SLC25A48: variants seen among roughly 807,000 people sequenced by gnomAD.
SLC25A48 encodes CTC-321K16.1.
A neutral mutation model predicts 32.2 loss-of-function variants in SLC25A48; 29 were observed. The observed-to-expected ratio is 0.90, with a 90% CI of 0.67 to 1.23. The LOEUF is 1.23. SLC25A48 is among the 50% of genes most tolerant of loss of function. The probability of loss-of-function intolerance (pLI) is 0.00; values close to 1 mark genes in which losing one functional copy is unlikely to be tolerated. For synonymous variants in SLC25A48, 164 were observed against 172.3 expected (o/e 0.95, Z 0.38); for missense variants, 399 against 422.7 (o/e 0.94, Z 0.49).
At position 135,739,081 on chromosome 5, in the gene SLC25A48, C is replaced by CAACA. The variant is rs935044498; in HGVS notation, c.-520-73424_-520-73421dup. On this transcript the variant is annotated intron_variant, in intron 3 of 10. Transcript: ENST00000646290. ...TGGGCAACACAGCGATACTCCATCT[C>CAACA]AACAAACAAACAAACAAACAAGTTT... Among the ~76,000 whole-genome samples the CAACA allele has an allele frequency of 8.6e-5, 13 of 152,036 alleles. No homozygotes were observed. In the South Asian group the frequency reaches 1.5e-3, roughly 17 times the overall value.
chr5:135,802,459 A>G (rs1757354869), intron 3 of SLC25A48, among the ~76,000 whole-genome samples: 1 of 151,688 alleles, frequency 6.6e-6, no homozygotes. Flanking sequence ...TACTCCTACT[A>G]TCACAGTGGG....
At chr5:135,784,995 A>ACCTGTG (rs1756799291) in intron 3 of SLC25A48, among the ~76,000 whole-genome samples, 1 of 58,318 alleles carries the variant, frequency 1.7e-5, no homozygotes, top group Non-Finnish European at 6.5e-5. Context: ...GTTGTATACA[A>ACCTGTG]ATATTTTTCT....
chr5:135,611,457 ACTGC>A (rs1246651507), intron 1 of SLC25A48, among the ~76,000 whole-genome samples: 1 of 133,508 alleles, frequency 7.5e-6, no homozygotes, highest in African/African-American at 2.8e-5. Flanking sequence ...AGATTGTGCC[ACTGC>A]ACTCCAGACT....
chr5:135,734,442 T>C (rs937057236), intron 3 of SLC25A48, among the ~76,000 whole-genome samples: 2 of 152,100 alleles, frequency 1.3e-5, no homozygotes, highest in East Asian at 3.9e-4. Context: ...GTTTTGAAGC[T>C]TGGCTGTCAA....
chr5:135,699,002 C>G (rs1754329542), intron 3 of SLC25A48, among the ~76,000 whole-genome samples: 1 of 152,072 alleles, frequency 6.6e-6, no homozygotes, highest in African/African-American at 2.4e-5. Context: ...TTAACTCACA[C>G]CCAATAGAAT....
chr5:135,883,918 T>G (rs1762632107), intron 7 of SLC25A48, among the ~76,000 whole-genome samples: 1 of 152,222 alleles, frequency 6.6e-6, no homozygotes, highest in Non-Finnish European at 1.5e-5. Context: ...GTTATGTGGC[T>G]TGTGTCCCTG....
intron 4 of SLC25A48, 60 bp from the exon 5 acceptor site, chr5:135,871,401 G>T (rs754626775): frequency 4.6e-6 from 7 of 1,527,232 alleles, no homozygotes; most frequent in African/African-American, 1.4e-5. Flanking sequence ...CCAGTGTCAC[G>T]GAATGTCCAG....
At chr5:135,867,649 C>T (rs1671603159) in intron 4 of SLC25A48, among the ~76,000 whole-genome samples, 1 of 152,174 alleles carries the variant, frequency 6.6e-6, no homozygotes, top group Admixed American at 6.5e-5. Flanking sequence ...TTTTCTATGG[C>T]TCCTACTCTT....
At chr5:135,833,359 A>G (rs1311251449), upstream of SLC25A48, among the ~76,000 whole-genome samples, 2 of 152,120 alleles carry the variant, frequency 1.3e-5, no homozygotes, top group African/African-American at 4.8e-5. Context: ...ACTGCCTGGC[A>G]CCCCTTAGGT....
intron 1 of SLC25A48, among the ~76,000 whole-genome samples, chr5:135,604,808 G>T (rs1451800811): frequency 6.6e-6 from 1 of 151,698 alleles, no homozygotes; most frequent in Non-Finnish European, 1.5e-5. Flanking sequence ...GCAGCCCAGT[G>T]TGGTGGTCAA....
intron 3 of SLC25A48, among the ~76,000 whole-genome samples, chr5:135,647,098 G>A (rs565276358): frequency 1.2e-4 from 18 of 151,696 alleles, no homozygotes; most frequent in Admixed American, 6.6e-4. Context: ...TATATCACAC[G>A]TCATGTTCTG....
chr5:135,633,128 G>C (rs868470710), intron 2 of SLC25A48, among the ~76,000 whole-genome samples: 5 of 152,174 alleles, frequency 3.3e-5, no homozygotes, highest in South Asian at 2.1e-4. Flanking sequence ...ACAAGGGGAA[G>C]ATGACAGACT....
At chr5:135,862,898 A>G (rs905196005) in intron 4 of SLC25A48, among the ~76,000 whole-genome samples, 1 of 152,174 alleles carries the variant, frequency 6.6e-6, no homozygotes, top group African/African-American at 2.4e-5. Flanking sequence ...GGATAGGCTT[A>G]GATTATATTC....
intron 3 of SLC25A48, among the ~76,000 whole-genome samples, chr5:135,653,646 C>T (rs1165730316): frequency 6.6e-6 from 1 of 152,130 alleles, no homozygotes; most frequent in Admixed American, 6.5e-5. Context: ...AGACTGCAGG[C>T]TAGTTGAGGT....
intron 3 of SLC25A48, among the ~76,000 whole-genome samples, chr5:135,667,592 T>G (rs1684676859): frequency 6.6e-6 from 1 of 152,224 alleles, no homozygotes; most frequent in Admixed American, 6.5e-5. Flanking sequence ...CTTTGGAATA[T>G]AATTTGGCTT....
chr5:135,882,705 G>A (rs1381806247), intron 7 of SLC25A48, among the ~76,000 whole-genome samples: 1 of 152,110 alleles, frequency 6.6e-6, no homozygotes, highest in East Asian at 1.9e-4. Context: ...CTGGCTCTCA[G>A]ACTTGTCTGT....
intron 3 of SLC25A48, among the ~76,000 whole-genome samples, chr5:135,703,011 C>G (rs1754428132): frequency 6.6e-6 from 1 of 152,126 alleles, no homozygotes; most frequent in African/African-American, 2.4e-5. Context: ...GCACTCTCAT[C>G]AGCGCTGGAA....
intron 3 of SLC25A48, among the ~76,000 whole-genome samples, chr5:135,755,550 T>G (rs1755877959): frequency 6.6e-6 from 1 of 152,024 alleles, no homozygotes; most frequent in African/African-American, 2.4e-5. Context: ...ATATCTAATG[T>G]CAACACACTA....
chr5:135,788,164 G>GT (rs1376207557), intron 3 of SLC25A48, among the ~76,000 whole-genome samples: 7 of 151,646 alleles, frequency 4.6e-5, no homozygotes, highest in Admixed American at 4.6e-4. Flanking sequence ...AATGTCCGGG[G>GT]TGGGGGGAAG....
Sources: gnomAD v4.1 joint callset for allele counts (sites outside exome capture counted in the v4.1 genomes callset) on GRCh38, gnomAD v4.1.1 for gene constraint, MANE v1.5 for transcripts, NCBI Gene and HGNC (gene_info 2026-07-23, HGNC 2026-07-21) for gene names.